SLC25A21: variants seen among roughly 807,000 people sequenced by gnomAD.
The protein encoded by SLC25A21 is solute carrier family 25 member 21, also known as mitochondrial 2-oxodicarboxylate carrier.
SLC25A21 carries 47 observed loss-of-function variants against 43.8 expected under a neutral mutation model. That is an observed-to-expected ratio of 1.07 (90% CI 0.85 to 1.37). The LOEUF (loss-of-function observed/expected upper bound fraction) is 1.37. SLC25A21 is among the 40% of genes most tolerant of loss of function. The pLI is 0.00. For missense variants in SLC25A21, 352 were observed against 350.2 expected, an observed-to-expected ratio of 1.00 and a Z score of -0.04; for synonymous variants, 131 against 121.3, an observed-to-expected ratio of 1.08 and a Z score of -0.52.
intron 3 of SLC25A21, among the ~76,000 whole-genome samples, chr14:36,735,997 C>T (rs990381077): frequency 7.0e-5 from 9 of 129,202 alleles, no homozygotes; most frequent in African/African-American, 1.8e-4. Flanking sequence ...AGTGCAGGGG[C>T]GCATCTCGGC....
intron 7 of SLC25A21, among the ~76,000 whole-genome samples, chr14:36,705,372 G>A (rs138058484): frequency 6.6e-6 from 1 of 152,112 alleles, no homozygotes; most frequent in East Asian, 1.9e-4. Flanking sequence ...CCTATTTTAC[G>A]TCCGCAAACA....
intron 3 of SLC25A21, among the ~76,000 whole-genome samples, chr14:36,812,329 T>A (rs1468134964): frequency 6.6e-6 from 1 of 151,948 alleles, no homozygotes; most frequent in Non-Finnish European, 1.5e-5. Flanking sequence ...GGGTATAAAA[T>A]CAGTACATAC....
intron 3 of SLC25A21, among the ~76,000 whole-genome samples, chr14:36,780,738 C>T (rs1490059863): frequency 4.6e-5 from 7 of 152,106 alleles, no homozygotes; most frequent in African/African-American, 1.7e-4. Context: ...TGTTTTGTGG[C>T]ATAATATATA....
chr14:36,971,938 C>T (rs1034513936), intron 1 of SLC25A21, among the ~76,000 whole-genome samples: 1 of 152,010 alleles, frequency 6.6e-6, no homozygotes, highest in African/African-American at 2.4e-5. Flanking sequence ...AAGAAGAGGA[C>T]ACAAATACTA....
chr14:36,727,267 T>C (rs1464594969), intron 5 of SLC25A21, among the ~76,000 whole-genome samples: 1 of 152,246 alleles, frequency 6.6e-6, no homozygotes. Context: ...CACAGTTTTC[T>C]CATCTGTAAA....
chr14:37,057,565 A>T (rs1483851074), intron 1 of SLC25A21, among the ~76,000 whole-genome samples: 1 of 152,224 alleles, frequency 6.6e-6, no homozygotes, highest in African/African-American at 2.4e-5. Context: ...GTAATAAAAA[A>T]ATAACAACTT....
chr14:37,029,464 CT>C (rs1199459045), intron 1 of SLC25A21, among the ~76,000 whole-genome samples: 1 of 152,108 alleles, frequency 6.6e-6, no homozygotes, highest in Non-Finnish European at 1.5e-5. Flanking sequence ...ACAACGAAAG[CT>C]GGGCATACTC....
rs557478690 is a variant in SLC25A21, at chr14:36,799,105, C to T, written c.203+14813G>A. Among the ~76,000 whole-genome samples, 7 of 152,190 alleles carry T rather than the reference C, an allele frequency of 4.6e-5. No individual in the cohort carries two copies. In the South Asian group the frequency reaches 8.3e-4, roughly 18 times the overall value. On this transcript the variant is annotated intron_variant, in intron 3 of 9. Coordinates refer to ENST00000331299, the MANE Select transcript of SLC25A21 (RefSeq NM_030631.4). ...TACAATAAATGTATGATCTTCCCTG[C>T]CAAGGCTGAAAGAAAATGGATTTCC...
rs1331608216 is a variant in SLC25A21, at chr14:37,078,024, T to A, written c.70+94257A>T. ...TTCCTAATTTCTTAAAATTTGAGAT[T>A]TAAGTTAATTTTACATAAACTAGAG... On this transcript the variant is annotated intron_variant, in intron 1 of 9. Transcript: ENST00000331299. 2.0e-5 allele frequency among the ~76,000 whole-genome samples: 3 copies of A among 148,068 alleles called. No homozygotes were observed. The East Asian group carries it at 6.0e-4, about 29-fold the overall frequency.
chr14:37,008,964 G>A (rs1355269815), intron 1 of SLC25A21, among the ~76,000 whole-genome samples: 1 of 152,156 alleles, frequency 6.6e-6, no homozygotes, highest in African/African-American at 2.4e-5. Context: ...AGAGTAACAT[G>A]ACTTATAGAA....
At chr14:36,744,248 G>T (rs990295423) in intron 3 of SLC25A21, among the ~76,000 whole-genome samples, 2 of 152,052 alleles carry the variant, frequency 1.3e-5, no homozygotes, top group Non-Finnish European at 2.9e-5. Context: ...TAAGCAAAAA[G>T]AATAAATTTG....
In SLC25A21 at chr14:36,729,498, C is replaced by T; in HGVS notation, c.330+9G>A. Reference sequence around the variant, plus strand: ...CACACATTTAAGTATAATAAATACTCTCACTTACCAATGCTGGTGACAGTG... The same window carrying T: ...CACACATTTAAGTATAATAAATACTTTCACTTACCAATGCTGGTGACAGTG... On this transcript the variant is annotated intron_variant, in intron 5 of 9. Transcript: ENST00000331299. The T allele has an allele frequency of 6.3e-7, 1 of 1,592,418 alleles. No individual in the cohort carries two copies.
chr14:37,094,048 T>C (rs1017914828), intron 1 of SLC25A21, among the ~76,000 whole-genome samples: 1 of 152,208 alleles, frequency 6.6e-6, no homozygotes, highest in Non-Finnish European at 1.5e-5. Flanking sequence ...CATGTCTGAA[T>C]GTACTTTTTA....
At chr14:37,141,767 C>G (rs529664496) in intron 1 of SLC25A21, among the ~76,000 whole-genome samples, 23 of 152,118 alleles carry the variant, frequency 1.5e-4, no homozygotes, top group Non-Finnish European at 2.4e-4. Context: ...TTATATTTTT[C>G]TAGATTGCAC....
chr14:36,792,289 A>C (rs968427749), intron 3 of SLC25A21, among the ~76,000 whole-genome samples: 9 of 152,160 alleles, frequency 5.9e-5, no homozygotes, highest in Admixed American at 4.6e-4. Context: ...GAGGTCTGCT[A>C]TCTGAAATCT....
At chr14:36,697,751 C>CTTTTTTTTTTTTTTTTTTT (rs1883096336) in intron 7 of SLC25A21, among the ~76,000 whole-genome samples, 17 of 73,970 alleles carry the variant, frequency 2.3e-4, no homozygotes, top group Admixed American at 3.0e-4. Flanking sequence ...TTTTTTTTTG[C>CTTTTTTTTTTTTTTTTTTT]TTTCCATTTG....
chr14:36,751,577 C>A (rs1304981674), intron 3 of SLC25A21, among the ~76,000 whole-genome samples: 1 of 152,226 alleles, frequency 6.6e-6, no homozygotes, highest in African/African-American at 2.4e-5. Context: ...CTGTCTGGGG[C>A]TCTTTTTCCC....
intron 1 of SLC25A21, among the ~76,000 whole-genome samples, chr14:37,027,662 C>T (rs924359070): frequency 1.3e-5 from 2 of 152,116 alleles, no homozygotes; most frequent in Non-Finnish European, 2.9e-5. Context: ...GGGTTAAAAA[C>T]TCAAGTGAAG....
At chr14:36,878,966 C>T (rs1426062996) in intron 1 of SLC25A21, among the ~76,000 whole-genome samples, 2 of 152,048 alleles carry the variant, frequency 1.3e-5, no homozygotes, top group African/African-American at 2.4e-5. Context: ...AAAGTTACAA[C>T]TTCATAGTAT....
Sources: gnomAD v4.1 joint callset for allele counts (sites outside exome capture counted in the v4.1 genomes callset) on GRCh38, gnomAD v4.1.1 for gene constraint, MANE v1.5 for transcripts, NCBI Gene and HGNC (gene_info 2026-07-23, HGNC 2026-07-21) for gene names.